The following TSGA10IP variants were observed in gnomAD, a reference collection of about 807,000 sequenced individuals.
TSGA10IP encodes testis specific 10 interacting protein.
In TSGA10IP, 64 loss-of-function variants were observed where a neutral mutation model predicts 63.2. The observed-to-expected ratio is 1.01, with a 90% confidence interval of 0.83 to 1.25. The LOEUF (loss-of-function observed/expected upper bound fraction) is 1.25. Ranked by LOEUF, TSGA10IP falls within the 50% of genes most tolerant of loss-of-function variation. The probability of loss-of-function intolerance (pLI) is 0.00; values close to 1 mark genes in which losing one functional copy is unlikely to be tolerated. For missense variants in TSGA10IP, 681 were observed against 710.1 expected, an observed-to-expected ratio of 0.96 and a Z score of 0.47; for synonymous variants, 316 against 298.3, an observed-to-expected ratio of 1.06 and a Z score of -0.61.
exon 3 of TSGA10IP, chr11:65,947,633 G>A: frequency 6.2e-7 from 1 of 1,613,424 alleles, no homozygotes; most frequent in Non-Finnish European, 8.5e-7. Context: ...AAGGAGGGCT[G>A]GTTGTCAGAG....
At chr11:65,946,819 G>A in intron 1 of TSGA10IP, 61 bp from the exon 2 acceptor site, 3 of 1,578,088 alleles carry the variant, frequency 1.9e-6, no homozygotes, top group South Asian at 2.3e-5. Context: ...CCCGGGTGAG[G>A]TGCAACACAG....
chr11:65,945,605 T>A, exon 1 of TSGA10IP: 1 of 1,559,064 alleles, frequency 6.4e-7, no homozygotes, highest in South Asian at 1.2e-5. Context: ...CCATTGAGAC[T>A]GGCTGAGGAC....
intron 5 of TSGA10IP, among the ~76,000 whole-genome samples, chr11:65,954,207 C>A: frequency 6.6e-6 from 1 of 151,658 alleles, no homozygotes; most frequent in South Asian, 2.1e-4. Flanking sequence ...GCTCTGTCGC[C>A]CAGGCTGGAG....
chr11:65,949,953 A>T (rs1591114057), intron 4 of TSGA10IP, among the ~76,000 whole-genome samples: 1 of 148,818 alleles, frequency 6.7e-6, no homozygotes, highest in Admixed American at 6.9e-5. Context: ...CCAGGGTTCA[A>T]GCAATTCTCA....
intron 4 of TSGA10IP, 22 bp from the exon 5 acceptor site, chr11:65,953,545 C>A: frequency 6.5e-7 from 1 of 1,549,938 alleles, no homozygotes; most frequent in South Asian, 1.2e-5. Flanking sequence ...ACCTCTCATT[C>A]CCCTTCCCTT....
chr11:65,946,945 G>T, exon 2 of TSGA10IP: 1 of 1,613,972 alleles, frequency 6.2e-7, no homozygotes, highest in Non-Finnish European at 8.5e-7. Flanking sequence ...AGAGCTCAAG[G>T]CAGACAGCAA....
chr11:65,950,505 C>T (rs116154171), intron 4 of TSGA10IP, among the ~76,000 whole-genome samples: 1,958 of 152,152 alleles, frequency 0.013, 57 homozygotes, highest in African/African-American at 0.045. Flanking sequence ...AGTGATCCTC[C>T]CACTTCAGCC....
chr11:65,951,077 C>T (rs1854934382), intron 4 of TSGA10IP, among the ~76,000 whole-genome samples: 1 of 152,028 alleles, frequency 6.6e-6, no homozygotes, highest in South Asian at 2.1e-4. Flanking sequence ...GTATATATAC[C>T]ACCTTTTCTT....
chr11:65,954,168 C>CT (rs762331435), intron 5 of TSGA10IP, among the ~76,000 whole-genome samples: 1,551 of 141,870 alleles, frequency 0.011, 6 homozygotes, highest in Admixed American at 0.014. Context: ...GACCATTTTC[C>CT]TTTTTTTTTT....
At chr11:65,950,147 G>A (rs1461029662) in intron 4 of TSGA10IP, among the ~76,000 whole-genome samples, 1 of 151,740 alleles carries the variant, frequency 6.6e-6, no homozygotes, top group African/African-American at 2.4e-5. Flanking sequence ...CACCACTCCC[G>A]GTCTTACTTG....
In TSGA10IP at chr11:65,947,988, C is replaced by T. The variant is rs1854873710; in HGVS notation, c.1004-13C>T. ...GGAGAGGGCAGCCCCTGACTTGGTC[C>T]CACTGTGGGCAGGCCCCCAAAAGCT... is the stretch of plus-strand genomic sequence containing the variant. On this transcript the variant is annotated splice_polypyrimidine_tract_variant and intron_variant, in intron 3 of 7. Transcript: ENST00000532620. The T allele has an allele frequency of 1.9e-6, 3 of 1,554,776 alleles. No homozygotes were observed. Among genetic ancestry groups the T allele is most frequent in the Non-Finnish European group, 2.6e-6 (3 of 1,149,142 alleles).
At chr11:65,945,861 A>G (rs543241279) in intron 1 of TSGA10IP, 39 bp downstream of exon 1, 4 of 1,604,250 alleles carry the variant, frequency 2.5e-6, no homozygotes, top group Non-Finnish European at 3.4e-6. Context: ...AGCTGCCTAG[A>G]GCCAGGTGGG....
rs11227363 is a variant in TSGA10IP, at chr11:65,955,848, C to T, written c.1322+2111C>T. Among the ~76,000 whole-genome samples, 1,337 of 152,252 alleles carry T rather than the reference C, an allele frequency of 8.8e-3. 33 individuals carry two copies. The East Asian group carries it at 0.1, about 12-fold the overall frequency. Reference sequence around the variant, plus strand: ...GGGCAGCAGAATTGGGTTCCAGCCACGATGCTGCCCTGCCTGAGCACTCAA... The same window carrying T: ...GGGCAGCAGAATTGGGTTCCAGCCATGATGCTGCCCTGCCTGAGCACTCAA... On this transcript the variant is annotated intron_variant, in intron 5 of 7. Coordinates refer to ENST00000532620, the Ensembl canonical transcript of TSGA10IP.
chr11:65,948,439 C>T (rs944254974), intron 4 of TSGA10IP, among the ~76,000 whole-genome samples: 1 of 152,184 alleles, frequency 6.6e-6, no homozygotes, highest in African/African-American at 2.4e-5. Context: ...TTGTTCCATC[C>T]ATCCATTAAA....
chr11:65,956,120 T>C (rs1373217056), intron 5 of TSGA10IP, among the ~76,000 whole-genome samples: 1 of 148,964 alleles, frequency 6.7e-6, no homozygotes, highest in African/African-American at 2.5e-5. Flanking sequence ...TATCACCTAC[T>C]CTTTGAGGCT....
exon 8 of TSGA10IP, chr11:65,959,960 T>G: frequency 1.9e-6 from 3 of 1,612,082 alleles, no homozygotes; most frequent in Non-Finnish European, 2.5e-6. Flanking sequence ...AAAGGCTTTA[T>G]GGCAAACACA....
At chr11:65,959,953 G>C (rs779181054) in exon 8 of TSGA10IP, 4 of 1,612,392 alleles carry the variant, frequency 2.5e-6, no homozygotes, top group Non-Finnish European at 3.4e-6. Flanking sequence ...TAAAATTAAA[G>C]GCTTTATGGC....
chr11:65,954,692 C>A (rs371339444), intron 5 of TSGA10IP, among the ~76,000 whole-genome samples: 31 of 152,084 alleles, frequency 2.0e-4, no homozygotes, highest in African/African-American at 7.2e-4. Flanking sequence ...GTGGCACATA[C>A]CTGTAATCCT....
chr11:65,953,597 G>T, exon 5 of TSGA10IP: 1 of 1,590,264 alleles, frequency 6.3e-7, no homozygotes. Flanking sequence ...AGCGGCAGCG[G>T]CAGGAGGAGC....
Sources: allele counts gnomAD v4.1 joint callset (sites outside exome capture counted in the v4.1 genomes callset), GRCh38; gene constraint gnomAD v4.1.1; transcripts MANE v1.5; gene names NCBI Gene and HGNC (gene_info 2026-07-23, HGNC 2026-07-21).